The following PCM1 variants were observed in gnomAD, a reference collection of about 807,000 sequenced individuals.
PCM1 encodes the protein pericentriolar material 1.
A neutral mutation model predicts 241.9 loss-of-function variants in PCM1; 157 were observed. The ratio of observed to expected loss-of-function variants is 0.65; its 90% CI spans 0.57 to 0.74. The LOEUF is 0.74. Ranked by LOEUF, PCM1 falls within the 30% of genes least tolerant of loss-of-function variation. The probability of loss-of-function intolerance (pLI) is 0.00; values close to 1 mark genes in which losing one functional copy is unlikely to be tolerated. For missense variants in PCM1, 3,478 were observed against 2,360.1 expected (o/e 1.47, Z -9.81); for synonymous variants, 1,085 against 784.9 (o/e 1.38, Z -6.39).
intron 9 of PCM1, among the ~76,000 whole-genome samples, chr8:17,953,487 A>G (rs1259010202): frequency 6.6e-6 from 1 of 152,200 alleles, no homozygotes; most frequent in Admixed American, 6.5e-5. Flanking sequence ...GGACATATTA[A>G]TACTTTGTTT....
In PCM1 at chr8:17,977,248, A is replaced by G. The variant is rs953569259; in HGVS notation, c.3944-3343A>G. The stretch of plus-strand genomic sequence containing the variant: ...TATTGCTGGTTTTATATTAAGATCA[A>G]TAATAATCAAGAGGTCTCTCTTTTC... On this transcript the variant is annotated intron_variant, in intron 23 of 38. Coordinates refer to ENST00000325083, the MANE Select transcript of PCM1 (RefSeq NM_006197.4). 5.3e-5 allele frequency among the ~76,000 whole-genome samples: 8 copies of G among 152,178 alleles called. No individual in the cohort carries two copies. The South Asian group carries it at 6.2e-4, about 12-fold the overall frequency.
chr8:18,023,512 C>G (rs979958444), intron 36 of PCM1, among the ~76,000 whole-genome samples: 4 of 152,160 alleles, frequency 2.6e-5, no homozygotes, highest in African/African-American at 9.7e-5. Context: ...CACTGGAACT[C>G]CAGTAGAAGT....
intron 36 of PCM1, 61 bp downstream of exon 36, chr8:18,014,901 T>TTTCAGATTAGCATTCTCCAC: frequency 2.1e-6 from 3 of 1,413,108 alleles, no homozygotes; most frequent in Non-Finnish European, 2.9e-6. Context: ...ATTTCTTCAT[T>TTTCAGATTAGCATTCTCCAC]TTCAGATTAG....
chr8:17,960,487 T>G, intron 15 of PCM1, 43 bp downstream of exon 15: 1 of 1,526,894 alleles, frequency 6.5e-7, no homozygotes, highest in Non-Finnish European at 8.9e-7. Context: ...AAAAGATGTT[T>G]AAAACCTTAG....
chr8:17,974,828 C>T (rs775466824), intron 23 of PCM1, among the ~76,000 whole-genome samples: 4 of 151,296 alleles, frequency 2.6e-5, no homozygotes, highest in South Asian at 2.1e-4. Context: ...GCATTCAAGA[C>T]CATCTGTCAG....
rs534294386 is a variant in PCM1 at position 17,956,613 on chromosome 8, T to G, written c.1482T>G (p.Asn494Lys). 1 of 1,585,276 alleles carries G rather than the reference T, an allele frequency of 6.3e-7. No individual in the cohort carries two copies. Among genetic ancestry groups the G allele is most frequent in the South Asian group, 1.2e-5 (1 of 86,362 alleles). ...ATTTTTTGTTTATCAGGAAGTTAAA[T>G]GAAGTTCGAAAGAGATTGAATGAGC... Reference protein sequence around the residue: ...LNPSEKLQKLNEVRKRLNELR... With the variant: ...LNPSEKLQKLKEVRKRLNELR... Residue 494 changes from asparagine to lysine, a missense_variant, in exon 11 of 39, where the codon AAT becomes AAG. Physicochemically the swap from Asn to Lys is moderately conservative, Grantham distance 94 (BLOSUM62 0). Coordinates refer to ENST00000325083, the MANE Select transcript of PCM1 (RefSeq NM_006197.4).
intron 34 of PCM1, among the ~76,000 whole-genome samples, chr8:18,012,742 C>T (rs1212985251): frequency 6.6e-6 from 1 of 152,090 alleles, no homozygotes; most frequent in Admixed American, 6.6e-5. Context: ...CTGTAATTAT[C>T]AGATATTATT....
intron 31 of PCM1, 146 bp downstream of exon 31, chr8:18,009,890 T>G: frequency 2.1e-6 from 1 of 484,362 alleles, no homozygotes; most frequent in East Asian, 3.3e-5. Flanking sequence ...TCATTACATA[T>G]GCTAGTCACT....
At position 17,939,814 on chromosome 8, in the gene PCM1, C is replaced by T. The variant is rs1375212157; in HGVS notation, c.736C>T (p.Leu246Phe). 8 of 1,532,092 alleles carry T rather than the reference C, an allele frequency of 5.2e-6. No homozygotes were observed. The highest frequency in any genetic ancestry group is 7.1e-6 in the Non-Finnish European group (8 of 1,129,078). 94.9% of individuals were successfully genotyped at this position (1,532,092 alleles called of 1,614,324 possible). Reference sequence around the variant, plus strand: ...GCGCCTTACTCATCTAATAGATCACCTTAAAGAACAAGAGAAGTCATATAT... The same window carrying T: ...GCGCCTTACTCATCTAATAGATCACTTTAAAGAACAAGAGAAGTCATATAT... ...VERLTHLIDH[L>F]KEQEKSYMKF... The change falls in exon 6 of 39, where the codon CTT becomes TTT. Residue 246 changes from leucine to phenylalanine, a missense_variant. Leu to Phe is a conservative substitution (Grantham distance 22). Transcript: ENST00000325083.
At chr8:17,993,122 G>A (rs1286334476) in intron 28 of PCM1, among the ~76,000 whole-genome samples, 2 of 151,802 alleles carry the variant, frequency 1.3e-5, no homozygotes, top group Non-Finnish European at 2.9e-5. Flanking sequence ...CTTTGTTTTT[G>A]TTGCATTTGC....
intron 34 of PCM1, among the ~76,000 whole-genome samples, chr8:18,013,183 G>A (rs2092731014): frequency 6.6e-6 from 1 of 152,156 alleles, no homozygotes; most frequent in African/African-American, 2.4e-5. Flanking sequence ...GAGCTTGGCT[G>A]CTGATATTCT....
intron 29 of PCM1, among the ~76,000 whole-genome samples, chr8:18,001,919 C>G (rs184129999): frequency 2.0e-5 from 3 of 148,544 alleles, no homozygotes; most frequent in African/African-American, 7.3e-5. Context: ...AAAACAGAAA[C>G]ACGTAGCCTT....
intron 36 of PCM1, chr8:18,015,558 A>AT (rs1457329156): frequency 6.6e-6 from 1 of 152,090 alleles, no homozygotes; most frequent in East Asian, 1.9e-4. Flanking sequence ...CAAGCAAATA[A>AT]TTTATTTTAC....
chr8:17,926,226 T>G (rs1473601104), intron 2 of PCM1: 1 of 152,060 alleles, frequency 6.6e-6, no homozygotes, highest in African/African-American at 2.4e-5. Context: ...GGTAATTGAG[T>G]TAACTTAAAT....
At chr8:17,985,817 T>C (rs1343490904) in intron 25 of PCM1, 142 bp from the exon 26 acceptor site, 5 of 727,250 alleles carry the variant, frequency 6.9e-6, no homozygotes, top group Non-Finnish European at 1.1e-5. Context: ...TTCAGTGTTT[T>C]GTCTACTTCC....
At chr8:18,000,202 G>A (rs1241271145) in intron 29 of PCM1, among the ~76,000 whole-genome samples, 1 of 152,130 alleles carries the variant, frequency 6.6e-6, no homozygotes, top group Non-Finnish European at 1.5e-5. Context: ...TTAGCTTCGC[G>A]TGTTGAAGGA....
chr8:18,011,896 T>C, intron 34 of PCM1, 69 bp downstream of exon 34: 1 of 1,345,472 alleles, frequency 7.4e-7, no homozygotes, highest in South Asian at 1.3e-5. Context: ...ATCAGCCTTA[T>C]TTTAACTAAT....
intron 9 of PCM1, 91 bp downstream of exon 9, chr8:17,953,277 A>G (rs1218702149): frequency 3.4e-6 from 2 of 596,812 alleles, no homozygotes; most frequent in East Asian, 3.0e-5. Flanking sequence ...GAATGAACAC[A>G]TAGCTCCTCA....
intron 23 of PCM1, among the ~76,000 whole-genome samples, chr8:17,973,779 T>A (rs112413703): frequency 0.017 from 2,531 of 152,106 alleles, 56 homozygotes; most frequent in African/African-American, 0.056. Flanking sequence ...TCAGGAAAGT[T>A]TGAAATGCAT....
Sources: gnomAD v4.1 joint callset for allele counts (sites outside exome capture counted in the v4.1 genomes callset) on GRCh38, gnomAD v4.1.1 for gene constraint, MANE v1.5 for transcripts, NCBI Gene and HGNC (gene_info 2026-07-23, HGNC 2026-07-21) for gene names.